SMCHD1: variants seen among roughly 807,000 people sequenced by gnomAD.
The protein encoded by SMCHD1 is structural maintenance of chromosomes flexible hinge domain containing 1.
A neutral mutation model predicts 254.7 loss-of-function variants in SMCHD1; 78 were observed. The ratio of observed to expected loss-of-function variants is 0.31; its 90% confidence interval spans 0.26 to 0.37. The LOEUF is 0.37. Among genes scored for constraint, SMCHD1 ranks in the 10% least tolerant of loss-of-function variants. The pLI is 1.00. For missense variants in SMCHD1, 1,840 were observed against 2,408.1 expected (o/e 0.76, Z 4.94); for synonymous variants, 766 against 794.9 (o/e 0.96, Z 0.61).
At chr18:2,748,825 T>C (rs2075518691) in intron 30 of SMCHD1, among the ~76,000 whole-genome samples, 2 of 152,042 alleles carry the variant, frequency 1.3e-5, no homozygotes, top group Admixed American at 6.5e-5. Context: ...CCTCCACATA[T>C]AAAAAATAAA....
intron 45 of SMCHD1, among the ~76,000 whole-genome samples, chr18:2,793,611 G>A (rs2076206922): frequency 7.1e-6 from 1 of 140,724 alleles, no homozygotes; most frequent in Non-Finnish European, 1.5e-5. Flanking sequence ...CTTGCAGTGA[G>A]CCAAGATCGC....
chr18:2,747,748 T>C, intron 30 of SMCHD1, 101 bp downstream of exon 30: 1 of 1,005,222 alleles, frequency 9.9e-7, no homozygotes, highest in South Asian at 2.1e-5. Flanking sequence ...AAAAATATAT[T>C]TTACATAATC....
chr18:2,770,276 G>A (rs2075954269), intron 39 of SMCHD1, among the ~76,000 whole-genome samples, 168 bp downstream of exon 39: 1 of 152,176 alleles, frequency 6.6e-6, no homozygotes, highest in Non-Finnish European at 1.5e-5. Context: ...TTCTTAAGAT[G>A]AAGTATTTCT....
intron 20 of SMCHD1, among the ~76,000 whole-genome samples, 157 bp from the exon 21 acceptor site, chr18:2,724,742 G>T (rs2074991990): frequency 6.6e-6 from 1 of 151,912 alleles, no homozygotes; most frequent in African/African-American, 2.4e-5. Context: ...CTTTGTAAAA[G>T]AAATCCATTG....
chr18:2,742,761 C>G (rs59787356), intron 28 of SMCHD1, among the ~76,000 whole-genome samples: 121 of 152,232 alleles, frequency 7.9e-4, no homozygotes, highest in African/African-American at 2.9e-3. Flanking sequence ...ACTGTAGCTT[C>G]AACCTCCTGG....
chr18:2,724,462 A>C (rs2074987281), intron 20 of SMCHD1, among the ~76,000 whole-genome samples: 1 of 152,060 alleles, frequency 6.6e-6, no homozygotes. Context: ...CATTCAGTTT[A>C]ATAACAGATG....
In SMCHD1 at chr18:2,785,670, A is replaced by AAAAAAAAAAAG. The variant is rs57180698; in HGVS notation, c.5719+1050_5719+1051insAAAAAAAAAGA. On this transcript the variant is annotated intron_variant, in intron 45 of 47. Coordinates refer to ENST00000320876, the MANE Select transcript of SMCHD1 (RefSeq NM_015295.3). ...CTCAAAAAAAAAAAAAAAAAAAAAA[A>AAAAAAAAAAAG]ACAGTTCATTGGTGTTAAGTGCATT... Among the ~76,000 whole-genome samples, 113 of 97,958 alleles carry AAAAAAAAAAAG rather than the reference A, an allele frequency of 1.2e-3. 22 individuals carry two copies. The highest frequency in any genetic ancestry group is 3.4e-3 in the South Asian group (9 of 2,682). 64.3% of individuals were successfully genotyped at this position (97,958 alleles called of 152,430 possible).
Position 2,718,079 on chromosome 18 carries a change from G to A in SMCHD1, c.2261-79G>A, listed in dbSNP as rs2074842005. On this transcript the variant is annotated intron_variant, in intron 17 of 47. Coordinates refer to ENST00000320876, the MANE Select transcript of SMCHD1 (RefSeq NM_015295.3). The surrounding 1 kb of genome is among the most constrained non-coding windows in gnomAD (Gnocchi z 4.6). The stretch of plus-strand genomic sequence containing the variant: ...TTAAAATACAGCAAATAGGTATTTG[G>A]TGCCAATGTGACATTGCGTATTTCA... 3 of 1,072,834 alleles carry A rather than the reference G, an allele frequency of 2.8e-6. No individual in the cohort carries two copies. Among genetic ancestry groups the A allele is most frequent in the South Asian group, 1.5e-5 (1 of 68,714 alleles). 66.5% of individuals were successfully genotyped at this position (1,072,834 alleles called of 1,614,324 possible). A position where few individuals can be genotyped will look rare whatever the true frequency, so the allele number is the denominator to read the frequency against.
chr18:2,726,765 G>A (rs986799326), intron 22 of SMCHD1: 38 of 222,490 alleles, frequency 1.7e-4, no homozygotes, highest in Non-Finnish European at 3.3e-4. Context: ...AAATGTTTGG[G>A]GAACTGTTTC....
intron 43 of SMCHD1, 95 bp from the exon 44 acceptor site, chr18:2,778,074 C>T: frequency 9.8e-7 from 1 of 1,019,326 alleles, no homozygotes; most frequent in Admixed American, 2.5e-5. Context: ...CGAATACTAG[C>T]ACTCTTTCAA....
At chr18:2,769,658 A>G in intron 37 of SMCHD1, 36 bp from the exon 38 acceptor site, 1 of 1,558,732 alleles carries the variant, frequency 6.4e-7, no homozygotes. Flanking sequence ...TTCTTTTTAA[A>G]TCTTGTTTTC....
At chr18:2,774,837 A>C (rs530846765) in intron 41 of SMCHD1, among the ~76,000 whole-genome samples, 2 of 152,248 alleles carry the variant, frequency 1.3e-5, no homozygotes, top group Non-Finnish European at 2.9e-5. Context: ...TACTGGCCAC[A>C]GTAGTCCAAT....
In SMCHD1 at chr18:2,704,705, A is replaced by G. The variant is rs76949605; in HGVS notation, c.1842+819A>G. Among the ~76,000 whole-genome samples the G allele has an allele frequency of 7.2e-5, 11 of 151,840 alleles. No homozygotes were observed. The East Asian group carries it at 2.1e-3, about 29-fold the overall frequency. Reference sequence around the variant, plus strand: ...AGAAGTAACATTTGTGTGGACCTTGAAAGGGGTAGAGGCTCAGGTTTACAC... The same window carrying G: ...AGAAGTAACATTTGTGTGGACCTTGGAAGGGGTAGAGGCTCAGGTTTACAC... On this transcript the variant is annotated intron_variant, in intron 13 of 47. Transcript: ENST00000320876.
At chr18:2,685,887 T>C (rs562753769) in intron 5 of SMCHD1, among the ~76,000 whole-genome samples, 3 of 152,370 alleles carry the variant, frequency 2.0e-5, no homozygotes, top group African/African-American at 7.2e-5. Flanking sequence ...ACAAGTTGTT[T>C]CTACCTTTTG....
chr18:2,666,218 C>T lies in SMCHD1; in HGVS notation c.248C>T (p.Thr83Ile). The change falls in exon 2 of 48, where the codon ACC becomes ATC. Residue 83 changes from threonine (T) to isoleucine (I), a missense_variant. Around this residue, in one of 9 missense-constraint regions of SMCHD1, gnomAD observed 37 missense variants for 54.2 expected, o/e 0.68. Transcript: ENST00000320876. ...ACAACAACAAGTAGGAAAGAAATTA[C>T]CTGTGATAATTTTGGTAGGTAAACA... ...VITTTSRKEI[T>I]CDNFDETVKD... The T allele has an allele frequency of 6.5e-7, 1 of 1,529,460 alleles. No homozygotes were observed. The highest frequency in any genetic ancestry group is 9.0e-7 in the Non-Finnish European group (1 of 1,111,736). 94.7% of individuals were successfully genotyped at this position (1,529,460 alleles called of 1,614,324 possible).
intron 3 of SMCHD1, among the ~76,000 whole-genome samples, chr18:2,669,722 C>CA (rs1451494119): frequency 6.6e-6 from 1 of 152,150 alleles, no homozygotes; most frequent in African/African-American, 2.4e-5. Context: ...TCTTGAAGTC[C>CA]AGTTTTATCC....
intron 41 of SMCHD1, among the ~76,000 whole-genome samples, chr18:2,773,543 T>G (rs1223760805): frequency 6.6e-6 from 1 of 152,172 alleles, no homozygotes; most frequent in East Asian, 1.9e-4. Flanking sequence ...CCCTAACCAG[T>G]AGGAGAAAAC....
At chr18:2,696,570 T>C (rs1191036682) in intron 8 of SMCHD1, among the ~76,000 whole-genome samples, 3 of 152,208 alleles carry the variant, frequency 2.0e-5, no homozygotes, top group Non-Finnish European at 2.9e-5. Context: ...GCCAAAAAGG[T>C]TGGGGACTGC....
intron 34 of SMCHD1, among the ~76,000 whole-genome samples, chr18:2,755,312 A>G (rs1033972465): frequency 9.9e-5 from 15 of 152,134 alleles, no homozygotes; most frequent in African/African-American, 2.9e-4. Context: ...AGCTGGGACT[A>G]TGGGCCCACA....
Sources: allele counts gnomAD v4.1 joint callset (sites outside exome capture counted in the v4.1 genomes callset), GRCh38; gene constraint gnomAD v4.1.1; regional missense constraint gnomAD v4.1.1; non-coding constraint Gnocchi (gnomAD v3.1); transcripts MANE v1.5; gene names NCBI Gene and HGNC (gene_info 2026-07-23, HGNC 2026-07-21).